Variants in FGF12 observed in about 807,000 individuals in gnomAD.
FGF12 encodes fibroblast growth factor 12B.
A neutral mutation model predicts 23.6 loss-of-function variants in FGF12; 14 were observed. The observed-to-expected ratio is 0.59, with a 90% CI of 0.39 to 0.93. FGF12 has a LOEUF of 0.93. Among genes scored for constraint, FGF12 ranks in the 40% least tolerant of loss-of-function variants. The pLI is 0.00. For synonymous variants in FGF12, 62 were observed against 77.3 expected, an observed-to-expected ratio of 0.80 and a Z score of 1.04; for missense variants, 175 against 217.8, an observed-to-expected ratio of 0.80 and a Z score of 1.24.
intron 2 of FGF12, among the ~76,000 whole-genome samples, chr3:192,379,527 A>G (rs1299892418): frequency 6.6e-6 from 1 of 152,190 alleles, no homozygotes; most frequent in Non-Finnish European, 1.5e-5. Context: ...GGGACACTAA[A>G]AGAGCTCTCA....
intron 5 of FGF12, among the ~76,000 whole-genome samples, chr3:192,156,603 A>G (rs573994795): frequency 6.6e-6 from 1 of 152,170 alleles, no homozygotes; most frequent in African/African-American, 2.4e-5. Context: ...TAAATAAACA[A>G]TGTTATTTCC....
intron 2 of FGF12, among the ~76,000 whole-genome samples, chr3:192,428,224 A>G (rs984746156): frequency 1.3e-5 from 2 of 152,240 alleles, no homozygotes; most frequent in Middle Eastern, 3.4e-3. Context: ...TTGTGTCTCA[A>G]TTGTGTCTAT....
intron 2 of FGF12, among the ~76,000 whole-genome samples, chr3:192,458,038 C>T (rs1051289864): frequency 6.6e-5 from 10 of 152,188 alleles, no homozygotes; most frequent in Non-Finnish European, 1.5e-5. Flanking sequence ...TTGGCAGCTT[C>T]CATGTGGTGT....
chr3:192,298,350 A>G (rs745949776), intron 4 of FGF12, among the ~76,000 whole-genome samples: 4 of 152,244 alleles, frequency 2.6e-5, no homozygotes, highest in Non-Finnish European at 5.9e-5. Context: ...AAGAACAGGA[A>G]GGTCGGAGAA....
intron 2 of FGF12, among the ~76,000 whole-genome samples, chr3:192,513,271 G>A (rs1005590264): frequency 5.9e-5 from 9 of 152,064 alleles, no homozygotes; most frequent in East Asian, 3.8e-4. Context: ...AAGCCACTTC[G>A]TTTAGAATAT....
chr3:192,318,966 A>G (rs1467196402), intron 4 of FGF12, among the ~76,000 whole-genome samples: 2 of 140,720 alleles, frequency 1.4e-5, no homozygotes, highest in East Asian at 1.9e-4. Context: ...TGAAGGGGGA[A>G]AAACAAAACA....
At chr3:192,455,692 C>T (rs1722659333) in intron 2 of FGF12, among the ~76,000 whole-genome samples, 1 of 152,078 alleles carries the variant, frequency 6.6e-6, no homozygotes, top group Non-Finnish European at 1.5e-5. Flanking sequence ...CAATGATTTG[C>T]TCTAATGCAC....
intron 2 of FGF12, among the ~76,000 whole-genome samples, chr3:192,625,253 C>A (rs947141104): frequency 3.9e-5 from 6 of 151,996 alleles, no homozygotes; most frequent in Non-Finnish European, 7.4e-5. Flanking sequence ...GCCAAATTGT[C>A]CTTGATAAAT....
At chr3:192,540,238 T>C (rs1363192793) in intron 2 of FGF12, among the ~76,000 whole-genome samples, 4 of 152,110 alleles carry the variant, frequency 2.6e-5, no homozygotes, top group Admixed American at 6.5e-5. Context: ...TTAGGTAGTT[T>C]ATTTGAAGTT....
chr3:192,600,478 T>C (rs1032200578), intron 2 of FGF12, among the ~76,000 whole-genome samples: 1 of 152,012 alleles, frequency 6.6e-6, no homozygotes, highest in African/African-American at 2.4e-5. Flanking sequence ...TTGCTTTGGG[T>C]AGTATTAAAT....
In FGF12 at chr3:192,240,804, A is replaced by G. The variant is rs1358862157; in HGVS notation, c.229-70148T>C. On this transcript the variant is annotated intron_variant, in intron 4 of 5. Coordinates refer to ENST00000445105, the MANE Select transcript of FGF12 (RefSeq NM_004113.6). Reference sequence around the variant, plus strand: ...TATGTTATTTGTAATTTTTTATTTTATGATACTATCATGCTTTTCACCATA... The same window carrying G: ...TATGTTATTTGTAATTTTTTATTTTGTGATACTATCATGCTTTTCACCATA... 3.9e-5 allele frequency among the ~76,000 whole-genome samples: 6 copies of G among 152,272 alleles called. No homozygotes were observed. In the East Asian group the frequency reaches 9.6e-4, roughly 24 times the overall value.
intron 2 of FGF12, among the ~76,000 whole-genome samples, chr3:192,693,058 C>G (rs1292849354): frequency 6.6e-6 from 1 of 151,726 alleles, no homozygotes; most frequent in Non-Finnish European, 1.5e-5. Context: ...ACCCTAAAGA[C>G]TTCACAACAA....
chr3:192,471,322 A>G (rs1168406801), intron 2 of FGF12, among the ~76,000 whole-genome samples: 1 of 152,204 alleles, frequency 6.6e-6, no homozygotes, highest in Non-Finnish European at 1.5e-5. Context: ...ATGACACCAG[A>G]AAAAAATTAC....
chr3:192,464,495 C>T (rs1291276894), intron 2 of FGF12, among the ~76,000 whole-genome samples: 1 of 133,442 alleles, frequency 7.5e-6, no homozygotes, highest in Non-Finnish European at 1.6e-5. Context: ...GAGTAGTATT[C>T]CATGGTGTGT....
At chr3:192,195,789 C>T (rs982585593) in intron 4 of FGF12, among the ~76,000 whole-genome samples, 18 of 152,166 alleles carry the variant, frequency 1.2e-4, no homozygotes, top group African/African-American at 4.3e-4. Flanking sequence ...CACACGCACA[C>T]ACACACACAT....
intron 3 of FGF12, among the ~76,000 whole-genome samples, chr3:192,340,038 T>C (rs968912610): frequency 6.6e-6 from 1 of 152,160 alleles, no homozygotes; most frequent in African/African-American, 2.4e-5. Context: ...CATACATTTG[T>C]GCTACATGGC....
chr3:192,269,285 C>G (rs894203011), intron 4 of FGF12, among the ~76,000 whole-genome samples: 2 of 152,092 alleles, frequency 1.3e-5, no homozygotes, highest in African/African-American at 2.4e-5. Context: ...TAAAAAAATG[C>G]CTCTCTTCCA....
chr3:192,193,976 T>C (rs1304493790), intron 4 of FGF12, among the ~76,000 whole-genome samples: 1 of 152,194 alleles, frequency 6.6e-6, no homozygotes, highest in Non-Finnish European at 1.5e-5. Flanking sequence ...GTGTAGTATG[T>C]AGAAAAAATA....
At chr3:192,150,207 G>C (rs1713971344) in intron 5 of FGF12, among the ~76,000 whole-genome samples, 1 of 82,730 alleles carries the variant, frequency 1.2e-5, no homozygotes, top group Admixed American at 1.4e-4. Flanking sequence ...TGTAGATTCT[G>C]GATATTAGCC....
Sources: gnomAD v4.1 joint callset for allele counts (sites outside exome capture counted in the v4.1 genomes callset) on GRCh38, gnomAD v4.1.1 for gene constraint, MANE v1.5 for transcripts, NCBI Gene and HGNC (gene_info 2026-07-23, HGNC 2026-07-21) for gene names.